STRN3: variants seen among roughly 807,000 people sequenced by gnomAD.
STRN3 encodes striatin-3.
STRN3 carries 29 observed loss-of-function variants against 95.6 expected under a neutral mutation model. The ratio of observed to expected loss-of-function variants is 0.30; its 90% CI spans 0.23 to 0.41. STRN3 has a LOEUF of 0.41. Ranked by LOEUF, STRN3 falls within the 10% of genes least tolerant of loss-of-function variation. The pLI, the probability that STRN3 is intolerant of heterozygous loss-of-function variation, is 1.00. For missense variants in STRN3, 890 were observed against 972.1 expected, an observed-to-expected ratio of 0.92 and a Z score of 1.12; for synonymous variants, 331 against 357.6, an observed-to-expected ratio of 0.93 and a Z score of 0.84.
intron 3 of STRN3, among the ~76,000 whole-genome samples, chr14:30,954,013 A>G (rs1428965093): frequency 2.0e-5 from 3 of 152,112 alleles, no homozygotes; most frequent in Non-Finnish European, 2.9e-5. Flanking sequence ...CCTAACACCA[A>G]TGTCGACGAA....
At chr14:30,933,227 C>G (rs886393578) in intron 7 of STRN3, among the ~76,000 whole-genome samples, 1 of 126,432 alleles carries the variant, frequency 7.9e-6, no homozygotes, top group African/African-American at 3.0e-5. Flanking sequence ...CACAGACAGC[C>G]AAGATTGCAC....
At chr14:30,969,613 T>C (rs1880723972) in intron 1 of STRN3, among the ~76,000 whole-genome samples, 1 of 152,178 alleles carries the variant, frequency 6.6e-6, no homozygotes, top group Admixed American at 6.5e-5. Flanking sequence ...AATGGTTGTT[T>C]GGCTTTCTTT....
intron 2 of STRN3, among the ~76,000 whole-genome samples, 168 bp downstream of exon 2, chr14:30,955,971 A>C (rs1051068887): frequency 6.6e-6 from 1 of 152,172 alleles, no homozygotes; most frequent in African/African-American, 2.4e-5. Flanking sequence ...GAATTATTTT[A>C]ATCTCTTTTG....
intron 1 of STRN3, among the ~76,000 whole-genome samples, chr14:30,957,226 G>A (rs577050159): frequency 8.4e-4 from 128 of 152,084 alleles, no homozygotes; most frequent in African/African-American, 2.8e-3. Flanking sequence ...AGGCCGAGGC[G>A]GGTGGATCAC....
In STRN3 at chr14:31,026,166, C is replaced by T; in HGVS notation, c.20G>A (p.Gly7Asp). Reference protein sequence around the residue: MDELAGGGGGGPGMAAP... With the variant: MDELAGDGGGGPGMAAP... ...CGCCATCCCCGGGCCGCCACCACCG[C>T]CTCCGGCAAGCTCGTCCATTGTGTG... is the stretch of plus-strand genomic sequence containing the variant. The change falls in exon 1 of 18, where the codon GGC (glycine) becomes GAC (aspartate). Residue 7 changes from glycine (G) to aspartate (D), a missense_variant. Physicochemically the swap from Gly to Asp is moderately conservative, Grantham distance 94. Transcript: ENST00000357479. 2 of 1,485,284 alleles carry T rather than the reference C, an allele frequency of 1.3e-6. No homozygotes were observed. Among genetic ancestry groups the T allele is most frequent in the Non-Finnish European group, 1.8e-6 (2 of 1,125,272 alleles). The allele number at this position is 1,485,284 out of a possible 1,614,324, so 92.0% of individuals were successfully genotyped here. A position where few individuals can be genotyped will look rare whatever the true frequency, so the allele number is the denominator to read the frequency against.
At chr14:30,935,043 C>A in intron 7 of STRN3, 120 bp downstream of exon 7, 3 of 1,326,526 alleles carry the variant, frequency 2.3e-6, no homozygotes, top group Non-Finnish European at 2.0e-6. Flanking sequence ...AACCACTTCC[C>A]CTTGCTCTCC....
At chr14:30,977,143 T>A (rs1334287292) in intron 1 of STRN3, among the ~76,000 whole-genome samples, 1 of 152,070 alleles carries the variant, frequency 6.6e-6, no homozygotes, top group Non-Finnish European at 1.5e-5. Flanking sequence ...GGAGAGTCGC[T>A]TGAACCCAGG....
At chr14:30,998,546 T>A (rs1482581684) in intron 1 of STRN3, among the ~76,000 whole-genome samples, 1 of 152,196 alleles carries the variant, frequency 6.6e-6, no homozygotes, top group East Asian at 1.9e-4. Context: ...AGCAGAGTTG[T>A]AAATTCCTGG....
At chr14:30,963,089 CTAA>C (rs35403676) in intron 1 of STRN3, among the ~76,000 whole-genome samples, 61,242 of 151,622 alleles carry the variant, frequency 0.4, 12,873 homozygotes, top group Non-Finnish European at 0.46. Flanking sequence ...CATGACTACG[CTAA>C]TAATGACAAG....
intron 8 of STRN3, among the ~76,000 whole-genome samples, chr14:30,920,038 T>C (rs1896841845): frequency 1.3e-5 from 2 of 152,148 alleles, no homozygotes; most frequent in Non-Finnish European, 2.9e-5. Context: ...ATTATGACGT[T>C]ATATTTACTA....
chr14:30,962,659 C>T (rs1420793604), intron 1 of STRN3, among the ~76,000 whole-genome samples: 4 of 152,110 alleles, frequency 2.6e-5, no homozygotes, highest in Non-Finnish European at 5.9e-5. Flanking sequence ...CTCAGCCTCC[C>T]GAGCAGCTGG....
intron 1 of STRN3, among the ~76,000 whole-genome samples, chr14:31,006,603 G>A (rs980194388): frequency 2.0e-5 from 3 of 152,086 alleles, no homozygotes; most frequent in Non-Finnish European, 2.9e-5. Context: ...GCTAAGACAG[G>A]AGAATCACTT....
Position 31,009,321 on chromosome 14 carries a change from A to T in STRN3, c.282+16583T>A, listed in dbSNP as rs574313596. 5.9e-5 allele frequency among the ~76,000 whole-genome samples: 9 copies of T among 152,228 alleles called. No homozygotes were observed. The South Asian group carries it at 1.9e-3, about 32-fold the overall frequency. ...CGGCAATTATTAACATTTTGGGCTA[A>T]TATTTTATTTGGGACATGGAGGGCT... is the stretch of plus-strand genomic sequence containing the variant. On this transcript the variant is annotated intron_variant, in intron 1 of 17. Transcript: ENST00000357479.
At chr14:30,929,367 T>C (rs911273921) in intron 7 of STRN3, 56 bp from the exon 8 acceptor site, 15 of 1,356,938 alleles carry the variant, frequency 1.1e-5, no homozygotes, top group African/African-American at 1.4e-5. Flanking sequence ...ATGCAAGCTG[T>C]TGGCAGTAAA....
At chr14:30,899,740 T>A (rs1043309379) in intron 16 of STRN3, among the ~76,000 whole-genome samples, 1 of 151,472 alleles carries the variant, frequency 6.6e-6, no homozygotes, top group Non-Finnish European at 1.5e-5. Flanking sequence ...ATCTTGCACA[T>A]ACCCCCCCCA....
chr14:30,907,899 GTTC>G, intron 13 of STRN3, among the ~76,000 whole-genome samples: 1 of 152,166 alleles, frequency 6.6e-6, no homozygotes, highest in African/African-American at 2.4e-5. Context: ...TCCATGAATG[GTTC>G]TTATCATCTC....
chr14:31,025,851 C>G, intron 1 of STRN3, 53 bp downstream of exon 1: 2 of 1,562,824 alleles, frequency 1.3e-6, no homozygotes, highest in Non-Finnish European at 8.6e-7. Context: ...GCCCCACCCC[C>G]CGGCCGGGAA....
chr14:30,904,563 T>C (rs2138963167), intron 15 of STRN3, among the ~76,000 whole-genome samples: 1 of 152,254 alleles, frequency 6.6e-6, no homozygotes, highest in Non-Finnish European at 1.5e-5. Context: ...AACTCCAAGG[T>C]AACCAAATTG....
chr14:30,933,201 C>A lies in STRN3; in HGVS notation c.988+1962G>T, dbSNP rs549125177. On this transcript the variant is annotated intron_variant, in intron 7 of 17. Coordinates refer to ENST00000357479, the MANE Select transcript of STRN3 (RefSeq NM_001083893.2). The stretch of plus-strand genomic sequence containing the variant: ...GACTGAGGTGGGAAGACCCCTTGAG[C>A]CTGGGAGGTGAAGGTCACAGACAGC... Among the ~76,000 whole-genome samples, 7 of 143,028 alleles carry A rather than the reference C, an allele frequency of 4.9e-5. No individual in the cohort carries two copies. In the Admixed American group the frequency reaches 5.3e-4, roughly 11 times the overall value. 93.8% of individuals were successfully genotyped at this position (143,028 alleles called of 152,430 possible). A position where few individuals can be genotyped will look rare whatever the true frequency, so the allele number is the denominator to read the frequency against.
Sources: gnomAD v4.1 joint callset for allele counts (sites outside exome capture counted in the v4.1 genomes callset) on GRCh38, gnomAD v4.1.1 for gene constraint, MANE v1.5 for transcripts, NCBI Gene and HGNC (gene_info 2026-07-23, HGNC 2026-07-21) for gene names.